Variants in ZPLD1 observed in about 807,000 individuals in gnomAD.
The protein encoded by ZPLD1 is zona pellucida-like domain-containing protein 1.
Under a neutral mutation model 47.2 loss-of-function variants are expected in ZPLD1, and 34 were observed. That is an observed-to-expected ratio of 0.72 (90% CI 0.55 to 0.96). The LOEUF (loss-of-function observed/expected upper bound fraction) is 0.96. ZPLD1 is among the 40% of genes least tolerant of loss of function. The probability of loss-of-function intolerance (pLI) is 0.00; values close to 1 mark genes in which losing one functional copy is unlikely to be tolerated. For missense variants in ZPLD1, 512 were observed against 505.8 expected, an observed-to-expected ratio of 1.01 and a Z score of -0.12; for synonymous variants, 176 against 186.2, an observed-to-expected ratio of 0.95 and a Z score of 0.45.
chr3:102,454,964 A>G (rs1032367335), intron 4 of ZPLD1, among the ~76,000 whole-genome samples: 11 of 152,168 alleles, frequency 7.2e-5, no homozygotes, highest in Admixed American at 7.2e-4. Flanking sequence ...GGAGGGGAAG[A>G]TTTGCTTATC....
At chr3:102,447,903 T>C (rs1707282071) in intron 3 of ZPLD1, among the ~76,000 whole-genome samples, 2 of 152,188 alleles carry the variant, frequency 1.3e-5, no homozygotes, top group East Asian at 1.9e-4. Context: ...TTTATATATA[T>C]AGAACTGGAT....
chr3:102,454,120 A>C (rs1255518106), intron 4 of ZPLD1, among the ~76,000 whole-genome samples: 4 of 152,228 alleles, frequency 2.6e-5, no homozygotes, highest in African/African-American at 9.6e-5. Context: ...TTCCAAGGCC[A>C]GGGTTTCTGA....
intron 8 of ZPLD1, 100 bp from the exon 9 acceptor site, chr3:102,468,864 A>G: frequency 1.8e-6 from 2 of 1,127,450 alleles, no homozygotes; most frequent in Non-Finnish European, 2.5e-6. Flanking sequence ...TTAGCTCTTA[A>G]TGTAATGGCG....
chr3:102,425,697 G>A (rs1408873374), intron 8 of ZPLD1, among the ~76,000 whole-genome samples: 2 of 152,004 alleles, frequency 1.3e-5, no homozygotes, highest in Non-Finnish European at 2.9e-5. Flanking sequence ...GACTATGGTA[G>A]GGATATAATT....
In ZPLD1 at chr3:102,462,287, A is replaced by T. The variant is rs12054046; in HGVS notation, c.589A>T (p.Thr197Ser). 2 of 1,604,490 alleles carry T rather than the reference A, an allele frequency of 1.2e-6. No homozygotes were observed. The highest frequency in any genetic ancestry group is 1.1e-5 in the South Asian group (1 of 90,046). The change falls in exon 7 of 12, where the codon ACC (threonine) becomes TCC (serine). Residue 197 changes from threonine to serine, a missense_variant. Transcript: ENST00000466937. ...TTTATTGTTTCATCATTAGGATTCA[A>T]CCTACAACCAGCAGTTAATTATCCC... ...TLNLLLYNDSTYNQQLIIPSI... is the reference protein window; with the variant it reads ...TLNLLLYNDSSYNQQLIIPSI...
chr3:102,424,679 T>A (rs1157314858), intron 8 of ZPLD1, among the ~76,000 whole-genome samples: 3 of 152,190 alleles, frequency 2.0e-5, no homozygotes, highest in African/African-American at 4.8e-5. Flanking sequence ...CACAGTAAGA[T>A]ATGTTACATA....
At chr3:102,451,588 G>T (rs577360431) in intron 3 of ZPLD1, among the ~76,000 whole-genome samples, 1 of 152,312 alleles carries the variant, frequency 6.6e-6, no homozygotes, top group African/African-American at 2.4e-5. Flanking sequence ...GTGTCCTGGG[G>T]TGATTTAAAA....
At chr3:102,442,365 G>A (rs1482184598) in intron 3 of ZPLD1, among the ~76,000 whole-genome samples, 1 of 126,816 alleles carries the variant, frequency 7.9e-6, no homozygotes, top group African/African-American at 3.0e-5. Context: ...CACACACACA[G>A]TTACAATTTT....
Position 102,459,047 on chromosome 3 carries a change from A to ATG in ZPLD1, c.582+1194_582+1195insTG, listed in dbSNP as rs1707464860. 1.2e-4 allele frequency among the ~76,000 whole-genome samples: 16 copies of ATG among 131,880 alleles called. No individual in the cohort carries two copies. The South Asian group carries it at 3.1e-3, about 25-fold the overall frequency. The allele number at this position is 131,880 out of a possible 152,430, so 86.5% of individuals were successfully genotyped here. On this transcript the variant is annotated intron_variant, in intron 6 of 11. Coordinates refer to ENST00000466937, the MANE Select transcript of ZPLD1 (RefSeq NM_001329788.2). ...GGAGGTTGCAGGGAGCCGAGATAGCACCACTGCACTCCAGCCTGGGAGACA... is the reference window on the plus strand; with the variant it reads ...GGAGGTTGCAGGGAGCCGAGATAGCATGCCACTGCACTCCAGCCTGGGAGACA...
In ZPLD1 at chr3:102,477,440, C is replaced by T. The variant is rs766616784; in HGVS notation, c.1073-3C>T. 3 of 1,609,376 alleles carry T rather than the reference C, an allele frequency of 1.9e-6. No individual in the cohort carries two copies. Among genetic ancestry groups the T allele is most frequent in the Admixed American group, 1.7e-5 (1 of 59,010 alleles). On this transcript the variant is annotated splice_polypyrimidine_tract_variant and splice_region_variant and intron_variant, in intron 11 of 11. Coordinates refer to ENST00000466937, the MANE Select transcript of ZPLD1 (RefSeq NM_001329788.2). Reference sequence around the variant, plus strand: ...ACAACCGGGTGTGTTTTATTATTTGCAGGTTCTCCAAGTATGCCTCCCTTC... The same window carrying T: ...ACAACCGGGTGTGTTTTATTATTTGTAGGTTCTCCAAGTATGCCTCCCTTC...
intron 3 of ZPLD1, among the ~76,000 whole-genome samples, chr3:102,450,439 A>G (rs1003641601): frequency 4.6e-5 from 7 of 152,138 alleles, no homozygotes; most frequent in African/African-American, 1.4e-4. Flanking sequence ...TCTGGTTTCT[A>G]TCACTCAAGG....
chr3:102,428,436 A>G (rs1049131828), intron 8 of ZPLD1, among the ~76,000 whole-genome samples: 3 of 152,120 alleles, frequency 2.0e-5, no homozygotes, highest in African/African-American at 7.2e-5. Flanking sequence ...CTAGGCTCAA[A>G]TCTAGTCATT....
intron 7 of ZPLD1, among the ~76,000 whole-genome samples, chr3:102,402,851 T>C (rs1706637461): frequency 6.6e-6 from 1 of 151,972 alleles, no homozygotes; most frequent in Admixed American, 6.6e-5. Context: ...GGTCCTTATA[T>C]CGATAAAAGC....
chr3:102,388,962 G>T (rs564055561), intron 6 of ZPLD1, among the ~76,000 whole-genome samples: 2 of 152,178 alleles, frequency 1.3e-5, no homozygotes, highest in East Asian at 3.9e-4. Flanking sequence ...TCTTGTGTTG[G>T]TGTTAAGAAA....
In ZPLD1 at chr3:102,472,455, C is replaced by T. The variant is rs1251870972; in HGVS notation, c.1042+1953C>T. ...GCTGAGGCAGGAGAATTGCTTGAGC[C>T]AGGGAGGCAGAGGTTGCAGTGAACC... is the stretch of plus-strand genomic sequence containing the variant. On this transcript the variant is annotated intron_variant, in intron 10 of 11. Transcript: ENST00000466937. Among the ~76,000 whole-genome samples the T allele has an allele frequency of 3.3e-5, 5 of 150,888 alleles. No individual in the cohort carries two copies. In the East Asian group the frequency reaches 9.8e-4, roughly 30 times the overall value.
Position 102,477,571 on chromosome 3 carries a change from C to T in ZPLD1, c.1201C>T (p.Pro401Ser). ...CSLALLHRKG[P>S]TSLVLNGIRN... ...ACTGGCCCTTCTGCACAGGAAGGGA[C>T]CCACAAGTTTAGTGTTGAATGGCAT... The change falls in exon 12 of 12, where the codon CCC becomes TCC. Residue 401 changes from proline (P) to serine (S), a missense_variant. Physicochemically the swap from Pro to Ser is moderately conservative, Grantham distance 74. Transcript: ENST00000466937. The T allele has an allele frequency of 1.2e-6, 2 of 1,613,620 alleles. No homozygotes were observed. Among genetic ancestry groups the T allele is most frequent in the Non-Finnish European group, 1.7e-6 (2 of 1,179,682 alleles).
At chr3:102,453,562 T>A (rs1707371464) in intron 4 of ZPLD1, among the ~76,000 whole-genome samples, 1 of 152,276 alleles carries the variant, frequency 6.6e-6, no homozygotes, top group South Asian at 2.1e-4. Flanking sequence ...AAAGATAGAA[T>A]GGGAAGCTTG....
At chr3:102,421,646 G>C (rs926270694) in intron 8 of ZPLD1, among the ~76,000 whole-genome samples, 4 of 151,842 alleles carry the variant, frequency 2.6e-5, no homozygotes, top group African/African-American at 9.7e-5. Flanking sequence ...TGTCAGTGAA[G>C]TGAAAAGGAG....
At chr3:102,411,009 A>T (rs1706742544) in intron 7 of ZPLD1, among the ~76,000 whole-genome samples, 1 of 151,830 alleles carries the variant, frequency 6.6e-6, no homozygotes, top group Non-Finnish European at 1.5e-5. Flanking sequence ...TCAGGAAATA[A>T]TTTTTAAAGG....
Sources: gnomAD v4.1 joint callset for allele counts (sites outside exome capture counted in the v4.1 genomes callset) on GRCh38, gnomAD v4.1.1 for gene constraint, MANE v1.5 for transcripts, NCBI Gene and HGNC (gene_info 2026-07-23, HGNC 2026-07-21) for gene names.